Variants in HKDC1 observed in about 807,000 individuals in gnomAD.
HKDC1 encodes hexokinase HKDC1.
Under a neutral mutation model 96.6 loss-of-function variants are expected in HKDC1, and 66 were observed. That is an observed-to-expected ratio of 0.68 (90% CI 0.56 to 0.84). HKDC1 has a LOEUF of 0.84. HKDC1 is among the 40% of genes least tolerant of loss of function. The pLI is 0.00. For synonymous variants in HKDC1, 466 were observed against 473.1 expected (o/e 0.98, Z 0.20); for missense variants, 1,211 against 1,208.1 (o/e 1.00, Z -0.04).
intron 12 of HKDC1, among the ~76,000 whole-genome samples, chr10:69,254,504 T>C (rs2132369351): frequency 6.6e-6 from 1 of 152,334 alleles, no homozygotes; most frequent in African/African-American, 2.4e-5. Flanking sequence ...TGAGCGCTGA[T>C]TCCCTAGTCC....
At chr10:69,263,731 G>T (rs889720714) in intron 16 of HKDC1, among the ~76,000 whole-genome samples, 1 of 152,196 alleles carries the variant, frequency 6.6e-6, no homozygotes, top group African/African-American at 2.4e-5. Context: ...GAATGTACTT[G>T]AACTAGGTAA....
At chr10:69,243,502 T>A in intron 7 of HKDC1, 137 bp downstream of exon 7, 2 of 648,504 alleles carry the variant, frequency 3.1e-6, no homozygotes, top group Non-Finnish European at 4.7e-6. Flanking sequence ...CTTTTTCCTT[T>A]TTTTTTTTTT....
At chr10:69,265,856 G>C in intron 17 of HKDC1, 38 bp downstream of exon 17, 5 of 1,276,310 alleles carry the variant, frequency 3.9e-6, no homozygotes, top group Non-Finnish European at 4.5e-6. Context: ...TGGGGCTGGG[G>C]AGGGCTGGCG....
intron 10 of HKDC1, 61 bp downstream of exon 10, chr10:69,248,789 A>C: frequency 1.4e-6 from 2 of 1,455,152 alleles, no homozygotes; most frequent in Non-Finnish European, 1.8e-6. Flanking sequence ...AAACTCCTTA[A>C]AGCCAGTGAG....
intron 7 of HKDC1, among the ~76,000 whole-genome samples, chr10:69,244,080 T>C (rs1843499355): frequency 6.6e-6 from 1 of 152,150 alleles, no homozygotes; most frequent in Non-Finnish European, 1.5e-5. Context: ...CTCGGAGGCC[T>C]AATCACTCAG....
chr10:69,231,270 C>G (rs577945701), intron 2 of HKDC1, among the ~76,000 whole-genome samples: 67 of 152,298 alleles, frequency 4.4e-4, no homozygotes, highest in Non-Finnish European at 5.4e-4. Flanking sequence ...CAGATCTTGG[C>G]ACTCCCTAGC....
chr10:69,239,117 A>G lies in HKDC1; in HGVS notation c.571A>G (p.Lys191Glu), dbSNP rs142842640. The G allele has an allele frequency of 6.2e-7, 1 of 1,613,708 alleles. No homozygotes were observed. Among genetic ancestry groups the G allele is most frequent in the African/African-American group, 1.3e-5 (1 of 74,940 alleles). The change falls in exon 5 of 18, where the codon AAA becomes GAA. Residue 191 changes from lysine to glutamate, a missense_variant. Transcript: ENST00000354624. ...CACGGATGTGGTGAGCCGTCTGACCAAAGCCATGAGAAGACACAAGGTGAG... is the reference window on the plus strand; with the variant it reads ...CACGGATGTGGTGAGCCGTCTGACCGAAGCCATGAGAAGACACAAGGTGAG... The part of the protein sequence containing the change: ...QDTDVVSRLT[K>E]AMRRHKDMDV...
chr10:69,232,002 C>T (rs745467075), intron 2 of HKDC1, among the ~76,000 whole-genome samples: 1 of 152,218 alleles, frequency 6.6e-6, no homozygotes, highest in Non-Finnish European at 1.5e-5. Flanking sequence ...CTTTGCTACT[C>T]TAACTATGGT....
intron 14 of HKDC1, among the ~76,000 whole-genome samples, chr10:69,258,195 T>C (rs922315602): frequency 1.4e-4 from 21 of 152,338 alleles, no homozygotes; most frequent in Non-Finnish European, 2.4e-4. Context: ...TGGCTTATTC[T>C]GTCTGACTTG....
chr10:69,265,407 G>A, intron 16 of HKDC1, 178 bp from the exon 17 acceptor site: 3 of 624,614 alleles, frequency 4.8e-6, no homozygotes. Context: ...ACTTCCAGGG[G>A]TGGTGGACCT....
Position 69,250,569 on chromosome 10 carries a change from C to G in HKDC1, c.1753C>G (p.Leu585Val). The G allele has an allele frequency of 6.2e-7, 1 of 1,614,110 alleles. No individual in the cohort carries two copies. Among genetic ancestry groups the G allele is most frequent in the East Asian group, 2.2e-5 (1 of 44,884 alleles). ...DHIVQCIADF[L>V]DYMGLKGASL... ...CATTGTGCAGTGCATCGCCGACTTC[C>G]TGGACTACATGGGCCTCAAGGGAGC... Residue 585 changes from leucine (L) to valine (V), a missense_variant, in exon 12 of 18, where the codon CTG (leucine) becomes GTG (valine). Transcript: ENST00000354624.
intron 7 of HKDC1, among the ~76,000 whole-genome samples, chr10:69,243,819 C>T (rs1053219931): frequency 6.6e-6 from 1 of 152,166 alleles, no homozygotes; most frequent in Admixed American, 6.5e-5. Context: ...ATTTATAAGG[C>T]ATTGCTTGTA....
rs1457435413 is a variant in HKDC1 at position 69,227,232 on chromosome 10, G to A, written c.89G>A (p.Arg30Gln). The A allele has an allele frequency of 5.0e-6, 8 of 1,613,976 alleles. No homozygotes were observed. The highest frequency in any genetic ancestry group is 6.8e-6 in the Non-Finnish European group (8 of 1,180,022). Residue 30 changes from arginine (R) to glutamine (Q), a missense_variant, in exon 2 of 18, where the codon CGG (arginine) becomes CAG (glutamine). By Grantham distance (43) the Arg-to-Gln change is conservative. Coordinates refer to ENST00000354624, the MANE Select transcript of HKDC1 (RefSeq NM_025130.4). ...GTGGACAGGTTCCTGTATCACATGC[G>A]GCTCTCCGATGACACCCTTTTGGAC... ...KKVDRFLYHMRLSDDTLLDIM... is the reference protein window; with the variant it reads ...KKVDRFLYHMQLSDDTLLDIM...
chr10:69,234,623 G>A (rs1843333863), intron 4 of HKDC1, among the ~76,000 whole-genome samples: 1 of 152,242 alleles, frequency 6.6e-6, no homozygotes, highest in Non-Finnish European at 1.5e-5. Context: ...CTTAGGCAAA[G>A]CATTTGTAAA....
At position 69,261,204 on chromosome 10, in the gene HKDC1, C is replaced by T; in HGVS notation, c.2282C>T (p.Thr761Ile). The T allele has an allele frequency of 6.2e-7, 1 of 1,614,036 alleles. No homozygotes were observed. The highest frequency in any genetic ancestry group is 8.5e-7 in the Non-Finnish European group (1 of 1,179,940). ...GTGCGGCAGATCCTGATCGACCTGACCAAGCAGGGTCTCCTCTTCCGAGGG... is the reference window on the plus strand; with the variant it reads ...GTGCGGCAGATCCTGATCGACCTGATCAAGCAGGGTCTCCTCTTCCGAGGG... ...EIVRQILIDLTKQGLLFRGQI... is the reference protein window; with the variant it reads ...EIVRQILIDLIKQGLLFRGQI... The change falls in exon 16 of 18, where the codon ACC becomes ATC. Residue 761 changes from threonine to isoleucine, a missense_variant. Transcript: ENST00000354624.
chr10:69,235,441 A>G (rs7091496), intron 4 of HKDC1, among the ~76,000 whole-genome samples: 2 of 124,048 alleles, frequency 1.6e-5, no homozygotes, highest in Non-Finnish European at 3.3e-5. Context: ...AACAAACAAA[A>G]AACAACAACA....
At position 69,247,437 on chromosome 10, in the gene HKDC1, C is replaced by T; in HGVS notation, c.1109C>T (p.Ala370Val). ...GAACCGTCTGAGGCTGACTGCATTGCCGTCCAGCATGTCTGTACCATCGTC... is the reference window on the plus strand; with the variant it reads ...GAACCGTCTGAGGCTGACTGCATTGTCGTCCAGCATGTCTGTACCATCGTC... Reference protein sequence around the residue: ...GLEPSEADCIAVQHVCTIVSF... With the variant: ...GLEPSEADCIVVQHVCTIVSF... The change falls in exon 9 of 18, where the codon GCC becomes GTC. Residue 370 changes from alanine (A) to valine (V), a missense_variant. By Grantham distance (64) the Ala-to-Val change is moderately conservative (BLOSUM62 0). Transcript: ENST00000354624. 6.2e-7 allele frequency: 1 copy of T among 1,614,188 alleles called. No homozygotes were observed. The highest frequency in any genetic ancestry group is 8.5e-7 in the Non-Finnish European group (1 of 1,180,040).
chr10:69,237,969 A>G (rs1843389421), intron 4 of HKDC1, among the ~76,000 whole-genome samples: 1 of 152,218 alleles, frequency 6.6e-6, no homozygotes. Context: ...CTTGACTGAG[A>G]CGACTTGGGC....
At chr10:69,221,395 C>T (rs1254647277) in intron 1 of HKDC1, among the ~76,000 whole-genome samples, 3 of 151,992 alleles carry the variant, frequency 2.0e-5, no homozygotes, top group Non-Finnish European at 4.4e-5. Context: ...AGGAGGGAAC[C>T]AGGGTTCTTT....
Sources: gnomAD v4.1 joint callset for allele counts (sites outside exome capture counted in the v4.1 genomes callset) on GRCh38, gnomAD v4.1.1 for gene constraint, MANE v1.5 for transcripts, NCBI Gene and HGNC (gene_info 2026-07-23, HGNC 2026-07-21) for gene names.